The following AQP11 variants were observed in gnomAD, a reference collection of about 807,000 sequenced individuals.
The protein encoded by AQP11 is aquaporin 11.
A neutral mutation model predicts 21.1 loss-of-function variants in AQP11; 20 were observed. The ratio of observed to expected loss-of-function variants is 0.95; its 90% CI spans 0.67 to 1.38. AQP11 has a LOEUF of 1.38. Among genes scored for constraint, AQP11 ranks in the 40% most tolerant of loss-of-function variants. The pLI is 0.00. For synonymous variants in AQP11, 167 were observed against 150.1 expected (o/e 1.11, Z -0.82); for missense variants, 339 against 340.4 (o/e 1.00, Z 0.03).
At chr11:77,591,156 T>G in intron 1 of AQP11, 1 of 958,560 alleles carries the variant, frequency 1.0e-6, no homozygotes, top group Non-Finnish European at 1.2e-6. Context: ...TCTTATTTCC[T>G]TAATAATTCA....
chr11:77,592,781 G>T (rs1365036731), intron 1 of AQP11, among the ~76,000 whole-genome samples: 2 of 152,152 alleles, frequency 1.3e-5, no homozygotes, highest in African/African-American at 4.8e-5. Context: ...TGAAATGAGG[G>T]TACTAATTGA....
At chr11:77,607,739 A>G (rs1958854860) in intron 2 of AQP11, among the ~76,000 whole-genome samples, 1 of 149,086 alleles carries the variant, frequency 6.7e-6, no homozygotes, top group Non-Finnish European at 1.5e-5. Context: ...CTCCAGCTTG[A>G]GTGATGGGAG....
At chr11:77,601,567 TAC>T (rs1958815867) in intron 1 of AQP11, among the ~76,000 whole-genome samples, 1 of 152,178 alleles carries the variant, frequency 6.6e-6, no homozygotes, top group East Asian at 1.9e-4. Context: ...CTGAGCTCAT[TAC>T]AAACTCCTGG....
intron 2 of AQP11, among the ~76,000 whole-genome samples, chr11:77,608,989 AT>A (rs1424186874): frequency 1.3e-5 from 2 of 152,214 alleles, no homozygotes; most frequent in Non-Finnish European, 2.9e-5. Context: ...ACATCTTTGG[AT>A]TTAGTTTATC....
intron 2 of AQP11, among the ~76,000 whole-genome samples, chr11:77,605,426 AG>A (rs1438592528): frequency 6.6e-6 from 1 of 152,158 alleles, no homozygotes; most frequent in East Asian, 1.9e-4. Flanking sequence ...GCTGCAGACC[AG>A]TATAGTCCGT....
At chr11:77,596,394 T>C (rs533987371) in intron 1 of AQP11, among the ~76,000 whole-genome samples, 40 of 149,460 alleles carry the variant, frequency 2.7e-4, no homozygotes, top group Non-Finnish European at 5.2e-4. Context: ...CGAGCTGATA[T>C]CACACCAGTG....
chr11:77,597,240 T>C (rs1389343594), intron 1 of AQP11, among the ~76,000 whole-genome samples: 2 of 152,278 alleles, frequency 1.3e-5, no homozygotes, highest in East Asian at 3.9e-4. Context: ...CTGAGAACAG[T>C]CTAATGTCAT....
chr11:77,605,399 A>G (rs749259008), intron 2 of AQP11, among the ~76,000 whole-genome samples: 1 of 152,154 alleles, frequency 6.6e-6, no homozygotes, highest in Non-Finnish European at 1.5e-5. Context: ...GCTAAGGCAA[A>G]GGTCCCCAAA....
chr11:77,590,470 C>G lies in AQP11; in HGVS notation c.478C>G (p.Arg160Gly). 4 of 1,614,160 alleles carry G rather than the reference C, an allele frequency of 2.5e-6. No homozygotes were observed. Among genetic ancestry groups the G allele is most frequent in the Non-Finnish European group, 3.4e-6 (4 of 1,180,028 alleles). The change falls in exon 1 of 3, where the codon CGA (arginine) becomes GGA (glycine). Residue 160 changes from arginine to glycine, a missense_variant. Coordinates refer to ENST00000313578, the MANE Select transcript of AQP11 (RefSeq NM_173039.3). Reference sequence around the variant, plus strand: ...GAGCTTCGCTTGCAAGAATCCCATCCGAGTCGACTTGCTCAAAGCGGTCAT... The same window carrying G: ...GAGCTTCGCTTGCAAGAATCCCATCGGAGTCGACTTGCTCAAAGCGGTCAT... ...ERSFACKNPIRVDLLKAVITE... is the reference protein window; with the variant it reads ...ERSFACKNPIGVDLLKAVITE...
intron 2 of AQP11, among the ~76,000 whole-genome samples, chr11:77,608,345 G>A (rs554538510): frequency 2.6e-5 from 4 of 152,266 alleles, no homozygotes; most frequent in South Asian, 2.1e-4. Context: ...ATTTTGGGCC[G>A]GGTGCAGCAA....
At chr11:77,596,537 A>ATATATATATATATATATATAT (rs1958782852) in intron 1 of AQP11, among the ~76,000 whole-genome samples, 2 of 86,574 alleles carry the variant, frequency 2.3e-5, no homozygotes, top group Non-Finnish European at 4.6e-5. Context: ...TATATATGTA[A>ATATATATATATATATATATAT]ATATATATAT....
At position 77,593,210 on chromosome 11, in the gene AQP11, T is replaced by G. The variant is rs17751849; in HGVS notation, c.619+2599T>G. Among the ~76,000 whole-genome samples the G allele has an allele frequency of 2.9e-3, 436 of 152,284 alleles. 1 individual carries two copies. The highest frequency in any genetic ancestry group is 6.5e-3 in the Admixed American group (99 of 15,298). On this transcript the variant is annotated intron_variant, in intron 1 of 2. Coordinates refer to ENST00000313578, the MANE Select transcript of AQP11 (RefSeq NM_173039.3). Reference sequence around the variant, plus strand: ...GTTGATTACTATTAGTTACAGAAATTTATAATGCAGTATGATCTTCCCTTT... The same window carrying G: ...GTTGATTACTATTAGTTACAGAAATGTATAATGCAGTATGATCTTCCCTTT...
chr11:77,609,461 C>A lies in AQP11; in HGVS notation c.*84C>A. 1 of 1,109,572 alleles carries A rather than the reference C, an allele frequency of 9.0e-7. No homozygotes were observed. The allele number at this position is 1,109,572 out of a possible 1,614,324, so 68.7% of individuals were successfully genotyped here. A position where few individuals can be genotyped will look rare whatever the true frequency, so the allele number is the denominator to read the frequency against. On this transcript the variant is annotated 3_prime_UTR_variant, in exon 3 of 3. Coordinates refer to ENST00000313578, the MANE Select transcript of AQP11 (RefSeq NM_173039.3). ...TATCACCTCATATGGAAAACACCGG[C>A]TGCACTGGATTCATCAGTGTTAACT...
intron 1 of AQP11, among the ~76,000 whole-genome samples, chr11:77,602,425 A>C (rs548867685): frequency 6.2e-4 from 95 of 152,320 alleles, no homozygotes; most frequent in African/African-American, 2.3e-3. Flanking sequence ...CTAGCTGCCA[A>C]CCAGACAATT....
At chr11:77,605,643 C>CA (rs1288017951) in intron 2 of AQP11, among the ~76,000 whole-genome samples, 14 of 152,268 alleles carry the variant, frequency 9.2e-5, no homozygotes, top group Middle Eastern at 6.8e-3. Flanking sequence ...AGTTCCATCC[C>CA]AAAACCATGC....
chr11:77,609,297 G>T lies in AQP11; in HGVS notation c.737-1G>T. 6.2e-7 allele frequency: 1 copy of T among 1,610,226 alleles called. No individual in the cohort carries two copies. The highest frequency in any genetic ancestry group is 8.5e-7 in the Non-Finnish European group (1 of 1,177,856). ...TTATTTTACTGTATTTTGTCTTTCA[G>T]GTATATTGTTGATGATTTTGATGTT... On this transcript the variant is annotated splice_acceptor_variant, in intron 2 of 2. Transcript: ENST00000313578. LOFTEE classifies it high-confidence loss of function.
intron 1 of AQP11, among the ~76,000 whole-genome samples, chr11:77,600,108 C>A (rs896982915): frequency 1.3e-5 from 2 of 148,714 alleles, no homozygotes; most frequent in African/African-American, 2.5e-5. Flanking sequence ...TACAGGTGCA[C>A]GCCACCATGC....
chr11:77,600,260 C>T (rs540662268), intron 1 of AQP11, among the ~76,000 whole-genome samples: 1 of 152,034 alleles, frequency 6.6e-6, no homozygotes, highest in East Asian at 1.9e-4. Context: ...TGAGCCACTG[C>T]GCCCAGCCAG....
chr11:77,603,700 GA>G, intron 2 of AQP11, 28 bp downstream of exon 2: 1 of 1,468,010 alleles, frequency 6.8e-7, no homozygotes. Context: ...TAATATGTCT[GA>G]AAGATTAGGG....
Sources: allele counts gnomAD v4.1 joint callset (sites outside exome capture counted in the v4.1 genomes callset), GRCh38; gene constraint gnomAD v4.1.1; transcripts MANE v1.5; gene names NCBI Gene and HGNC (gene_info 2026-07-23, HGNC 2026-07-21).